The following ANKS6 variants were observed in gnomAD, a reference collection of about 807,000 sequenced individuals.
The protein encoded by ANKS6 is ankyrin repeat and SAM domain-containing protein 6.
In ANKS6, 47 loss-of-function variants were observed where a neutral mutation model predicts 77.9. That is an observed-to-expected ratio of 0.60 (90% CI 0.48 to 0.77). The LOEUF is 0.77. Among genes scored for constraint, ANKS6 ranks in the 30% least tolerant of loss-of-function variants. ANKS6 has a pLI of 0.00. For missense variants in ANKS6, 1,150 were observed against 1,159.1 expected (o/e 0.99, Z 0.11); for synonymous variants, 488 against 501.7 (o/e 0.97, Z 0.37).
intron 9 of ANKS6, among the ~76,000 whole-genome samples, chr9:98,771,897 TTG>T (rs981922761): frequency 6.6e-6 from 1 of 152,152 alleles, no homozygotes; most frequent in Non-Finnish European, 1.5e-5. Context: ...TTACCATGGC[TTG>T]TGAGTGTACA....
chr9:98,750,444 A>G (rs1832367057), intron 13 of ANKS6, among the ~76,000 whole-genome samples: 1 of 152,212 alleles, frequency 6.6e-6, no homozygotes, highest in Admixed American at 6.5e-5. Flanking sequence ...GGTCGTATCC[A>G]CAGTTTGGCT....
intron 13 of ANKS6, among the ~76,000 whole-genome samples, chr9:98,746,247 G>A (rs1035054786): frequency 6.6e-5 from 10 of 152,326 alleles, no homozygotes; most frequent in East Asian, 1.9e-4. Context: ...TGCCTGGCCC[G>A]TGGACAGGAA....
chr9:98,775,276 C>T (rs1242028571), intron 8 of ANKS6, among the ~76,000 whole-genome samples: 1 of 152,216 alleles, frequency 6.6e-6, no homozygotes, highest in East Asian at 1.9e-4. Flanking sequence ...TCTAGGTATT[C>T]ATCCTGAGCA....
chr9:98,784,475 C>T (rs1345254944), intron 3 of ANKS6: 2 of 396,944 alleles, frequency 5.0e-6, no homozygotes, highest in African/African-American at 2.0e-5. Context: ...GGGTGAGGAT[C>T]GGGAAGGGCT....
At chr9:98,768,853 G>C (rs781095542) in intron 10 of ANKS6, among the ~76,000 whole-genome samples, 18 of 152,172 alleles carry the variant, frequency 1.2e-4, no homozygotes, top group Admixed American at 5.9e-4. Context: ...AAAGGGGCCG[G>C]GTGCAGTGGC....
intron 10 of ANKS6, among the ~76,000 whole-genome samples, chr9:98,769,984 G>A (rs979127476): frequency 3.3e-5 from 5 of 152,056 alleles, no homozygotes; most frequent in African/African-American, 1.2e-4. Context: ...TAGTCTCTTG[G>A]CTCATCTGGT....
intron 11 of ANKS6, among the ~76,000 whole-genome samples, chr9:98,762,301 A>G (rs976936273): frequency 2.0e-5 from 3 of 152,186 alleles, no homozygotes; most frequent in Admixed American, 6.5e-5. Context: ...TGCTGGACTC[A>G]CTTATTCATC....
Position 98,774,008 on chromosome 9 carries a change from G to C in ANKS6, c.1690C>G (p.Pro564Ala), listed in dbSNP as rs190075616. 204 of 1,583,298 alleles carry C rather than the reference G, an allele frequency of 1.3e-4. No homozygotes were observed. The highest frequency in any genetic ancestry group is 7.8e-4 in the South Asian group (68 of 87,058). ...LKAVIPPFLP[P>A]SSFELWSSDR... ...GAGCTCCACAGCTCAAAACTGGAAG[G>C]GGGTAGGAATGGGGGGATGACTGCT... The change falls in exon 9 of 15, where the codon CCT becomes GCT. Residue 564 changes from proline to alanine, a missense_variant. Coordinates refer to ENST00000353234, the MANE Select transcript of ANKS6 (RefSeq NM_173551.5).
rs774278562 is a variant in ANKS6, at chr9:98,778,410, T to A, written c.1383A>T (p.Arg461=). The change falls in exon 7 of 15, where the codon CGA becomes CGT. Residue 461 remains arginine, a synonymous_variant. Transcript: ENST00000353234. ...DKGGLKSWWN[R]MSNRFRKLKL... ...TGAGCTTTCGGAACCGATTGGACAT[T>A]CGGTTCCACCAGGACTGCCAAAGGA... 4 of 1,613,886 alleles carry A rather than the reference T, an allele frequency of 2.5e-6. No homozygotes were observed. The African/African-American group carries it at 5.3e-5, about 22-fold the overall frequency.
intron 8 of ANKS6, among the ~76,000 whole-genome samples, chr9:98,777,035 T>C (rs1215142577): frequency 6.6e-6 from 1 of 152,364 alleles, no homozygotes; most frequent in African/African-American, 2.4e-5. Flanking sequence ...ATGAGGAAAC[T>C]GAGGCCTCCC....
intron 13 of ANKS6, among the ~76,000 whole-genome samples, chr9:98,748,616 T>A (rs1832268848): frequency 6.6e-6 from 1 of 152,134 alleles, no homozygotes; most frequent in South Asian, 2.1e-4. Flanking sequence ...GGAATGTGGA[T>A]GTGATGGCTG....
chr9:98,745,870 T>C (rs948535661), intron 13 of ANKS6, among the ~76,000 whole-genome samples, 195 bp from the exon 14 acceptor site: 2 of 152,238 alleles, frequency 1.3e-5, no homozygotes, highest in Non-Finnish European at 2.9e-5. Flanking sequence ...TCCTCAGATC[T>C]GGCTCTTGGA....
chr9:98,779,275 G>A (rs995888865), intron 6 of ANKS6, among the ~76,000 whole-genome samples: 4 of 152,192 alleles, frequency 2.6e-5, no homozygotes, highest in Non-Finnish European at 4.4e-5. Flanking sequence ...GTCTCAGCTT[G>A]CAGTTACAAG....
chr9:98,733,660 G>A lies in ANKS6; in HGVS notation c.*2859C>T. ...CAAAAGCACCTTGGAGAAGTGATGA[G>A]AGTAATGTGGGAGATGCTATGAGTT... is the stretch of plus-strand genomic sequence containing the variant. On this transcript the variant is annotated 3_prime_UTR_variant, in exon 15 of 15. Transcript: ENST00000353234. The A allele has an allele frequency of 1.0e-6, 1 of 985,464 alleles. No homozygotes were observed. The highest frequency in any genetic ancestry group is 1.2e-6 in the Non-Finnish European group (1 of 829,944). 61.0% of individuals were successfully genotyped at this position (985,464 alleles called of 1,614,324 possible).
Position 98,733,028 on chromosome 9 carries a change from C to G in ANKS6, c.*3491G>C. The G allele has an allele frequency of 1.1e-6, 1 of 869,708 alleles. No homozygotes were observed. The highest frequency in any genetic ancestry group is 1.4e-6 in the Non-Finnish European group (1 of 717,138). 53.9% of individuals were successfully genotyped at this position (869,708 alleles called of 1,614,324 possible). On this transcript the variant is annotated 3_prime_UTR_variant, in exon 15 of 15. Transcript: ENST00000353234. ...AGCCTGAGCCATCATCGATGACTTT[C>G]CCTGAGCTGTATACCCAGCAGGCTT...
chr9:98,783,383 G>A (rs1834388672), intron 4 of ANKS6, among the ~76,000 whole-genome samples: 1 of 152,124 alleles, frequency 6.6e-6, no homozygotes, highest in Non-Finnish European at 1.5e-5. Flanking sequence ...CCTCTAACTG[G>A]GAGTCAGATC....
rs1455729466 is a variant in ANKS6, at chr9:98,790,215, G to C, written c.751C>G (p.Pro251Ala). Residue 251 changes from proline (P) to alanine (A), a missense_variant, in exon 2 of 15, where the codon CCT becomes GCT. Physicochemically the swap from Pro to Ala is conservative, Grantham distance 27 (BLOSUM62 -1). Coordinates refer to ENST00000353234, the MANE Select transcript of ANKS6 (RefSeq NM_173551.5). ...AQQLVEKGANPDHLSVLEKTA... is the reference protein window; with the variant it reads ...AQQLVEKGANADHLSVLEKTA... ...TTCTCCAGCACGCTGAGGTGGTCAG[G>C]GTTGGCGCCCTTCTCCACCAGCTGC... 18 of 1,607,872 alleles carry C rather than the reference G, an allele frequency of 1.1e-5. No homozygotes were observed. Among genetic ancestry groups the C allele is most frequent in the Non-Finnish European group, 1.4e-5 (16 of 1,175,366 alleles).
Position 98,795,473 on chromosome 9 carries a change from G to A in ANKS6, c.359+660C>T, listed in dbSNP as rs1463907469. ...TCCCTGGCATCTGCCTTCTCTCCAGGGAGGACTAGTACATCATTCTACTCA... is the reference window on the plus strand; with the variant it reads ...TCCCTGGCATCTGCCTTCTCTCCAGAGAGGACTAGTACATCATTCTACTCA... On this transcript the variant is annotated intron_variant, in intron 1 of 14. Transcript: ENST00000353234. Among the ~76,000 whole-genome samples the A allele has an allele frequency of 5.3e-5, 8 of 151,978 alleles. No homozygotes were observed. In the South Asian group the frequency reaches 6.3e-4, roughly 12 times the overall value.
At chr9:98,764,888 GGA>G (rs1833187246) in intron 11 of ANKS6, among the ~76,000 whole-genome samples, 1 of 152,152 alleles carries the variant, frequency 6.6e-6, no homozygotes. Context: ...TCATTTCTAA[GGA>G]GTGTGGTTTT....
Sources: gnomAD v4.1 joint callset for allele counts (sites outside exome capture counted in the v4.1 genomes callset) on GRCh38, gnomAD v4.1.1 for gene constraint, MANE v1.5 for transcripts, NCBI Gene and HGNC (gene_info 2026-07-23, HGNC 2026-07-21) for gene names.